Variants in TP73 observed in about 807,000 individuals in gnomAD.
TP73 encodes tumor protein p73.
TP73 carries 25 observed loss-of-function variants against 62.5 expected under a neutral mutation model. The observed-to-expected ratio is 0.40, with a 90% CI of 0.29 to 0.56. TP73 has a LOEUF of 0.56. TP73 is among the 20% of genes least tolerant of loss of function. TP73 has a pLI of 0.46. For synonymous variants in TP73, 423 were observed against 377.5 expected, an observed-to-expected ratio of 1.12 and a Z score of -1.40; for missense variants, 754 against 913.3, an observed-to-expected ratio of 0.83 and a Z score of 2.25.
At chr1:3,702,659 G>A (rs959559794) in intron 3 of TP73, among the ~76,000 whole-genome samples, 34 of 152,328 alleles carry the variant, frequency 2.2e-4, no homozygotes, top group South Asian at 6.2e-4. Context: ...GGCCTGGTGC[G>A]TCCGCGGCCT....
intron 3 of TP73, among the ~76,000 whole-genome samples, chr1:3,684,769 C>CT (rs1333935948): frequency 6.6e-6 from 1 of 151,638 alleles, no homozygotes; most frequent in Non-Finnish European, 1.5e-5. Context: ...CCCACCCCTG[C>CT]TCAGGAGACC....
At chr1:3,688,818 G>A (rs563672849) in intron 3 of TP73, among the ~76,000 whole-genome samples, 1 of 152,322 alleles carries the variant, frequency 6.6e-6, no homozygotes, top group Non-Finnish European at 1.5e-5. Flanking sequence ...CAGGCACGGT[G>A]CCCTGGGCAT....
At chr1:3,719,890 T>TTGTGTGTGTGTGTGTGTGTG (rs5772122) in intron 4 of TP73, among the ~76,000 whole-genome samples, 2 of 132,144 alleles carry the variant, frequency 1.5e-5, no homozygotes, top group African/African-American at 6.0e-5. Flanking sequence ...TTTTTTCTCT[T>TTGTGTGTGTGTGTGTGTGTG]TGTGTGTGTG....
intron 3 of TP73, among the ~76,000 whole-genome samples, chr1:3,693,402 GC>G (rs1455278846): frequency 6.6e-6 from 1 of 152,170 alleles, no homozygotes; most frequent in East Asian, 1.9e-4. Flanking sequence ...CTGGGAAGAG[GC>G]CCCTGGGTTG....
chr1:3,728,992 A>AAGAG (rs3034587), intron 9 of TP73, among the ~76,000 whole-genome samples: 35 of 149,990 alleles, frequency 2.3e-4, no homozygotes, highest in Admixed American at 2.6e-4. Flanking sequence ...TGTCGAAAGA[A>AAGAG]AGAGAGAGAG....
At chr1:3,685,064 G>A (rs1307955041) in intron 3 of TP73, among the ~76,000 whole-genome samples, 1 of 152,164 alleles carries the variant, frequency 6.6e-6, no homozygotes, top group African/African-American at 2.4e-5. Flanking sequence ...GAGGGAGGGA[G>A]GAAGACCCAT....
In TP73 at chr1:3,722,029, G is replaced by A. The variant is rs61747511; in HGVS notation, c.438G>A (p.Pro146=). The change falls in exon 5 of 14, where the codon CCG becomes CCA. Residue 146 remains proline (P), a synonymous_variant. Coordinates refer to ENST00000378295, the MANE Select transcript of TP73 (RefSeq NM_005427.4). The part of the protein sequence containing the change: ...TAKSATWTYS[P]LLKKLYCQIA... Reference sequence around the variant, plus strand: ...CCTCTCCCCCACTCCAGTACTCCCCGCTCTTGAAGAAACTCTACTGCCAGA... The same window carrying A: ...CCTCTCCCCCACTCCAGTACTCCCCACTCTTGAAGAAACTCTACTGCCAGA... The A allele has an allele frequency of 0.02, 31,509 of 1,607,820 alleles. 345 individuals carry two copies. Among genetic ancestry groups the A allele is most frequent in the Non-Finnish European group, 0.023 (27,166 of 1,176,066 alleles).
At chr1:3,726,421 T>G (rs1345439111) in intron 6 of TP73, among the ~76,000 whole-genome samples, 24 of 34,208 alleles carry the variant, frequency 7.0e-4, no homozygotes, top group Non-Finnish European at 9.9e-4. Context: ...ATGGATGGGG[T>G]GGGTGTTGGG....
chr1:3,732,557 G>A (rs1642213809), intron 13 of TP73, among the ~76,000 whole-genome samples, 190 bp from the exon 14 acceptor site: 1 of 152,194 alleles, frequency 6.6e-6, no homozygotes, highest in African/African-American at 2.4e-5. Flanking sequence ...AACACTCCCA[G>A]GTCAGGGCCC....
intron 3 of TP73, chr1:3,690,703 T>A (rs1645793393): frequency 7.0e-7 from 1 of 1,427,394 alleles, no homozygotes; most frequent in Non-Finnish European, 9.2e-7. Context: ...CTAAGGGAGA[T>A]GGGAAAAGCG....
intron 4 of TP73, chr1:3,712,113 A>G (rs6424090): frequency 0.82 from 125,183 of 152,168 alleles, 53,595 homozygotes; most frequent in Non-Finnish European, 0.96. Context: ...TATCAATTGC[A>G]TTATCCTAAA....
At chr1:3,702,260 G>A (rs1433826785) in intron 3 of TP73, among the ~76,000 whole-genome samples, 2 of 152,174 alleles carry the variant, frequency 1.3e-5, no homozygotes, top group Non-Finnish European at 2.9e-5. Flanking sequence ...CAGGGGGCAG[G>A]CGGGACCCTC....
intron 1 of TP73, among the ~76,000 whole-genome samples, chr1:3,669,134 C>T (rs948765768): frequency 3.9e-5 from 6 of 152,360 alleles, no homozygotes; most frequent in Non-Finnish European, 5.9e-5. Context: ...TCCACCTGGC[C>T]CCACCGACCC....
At chr1:3,674,599 A>G (rs1369642362) in intron 1 of TP73, among the ~76,000 whole-genome samples, 1 of 152,318 alleles carries the variant, frequency 6.6e-6, no homozygotes, top group African/African-American at 2.4e-5. Flanking sequence ...GGGAGGCCAC[A>G]TGGTCCTTAG....
At chr1:3,727,319 C>A in intron 7 of TP73, 95 bp downstream of exon 7, 2 of 1,260,860 alleles carry the variant, frequency 1.6e-6, no homozygotes, top group Non-Finnish European at 2.2e-6. Context: ...CAGGCCAAGG[C>A]TAGCTTGGGG....
At chr1:3,732,689 C>G in intron 13 of TP73, 58 bp from the exon 14 acceptor site, 1 of 1,437,770 alleles carries the variant, frequency 7.0e-7, no homozygotes, top group Non-Finnish European at 9.4e-7. Flanking sequence ...CCCAGGGCGA[C>G]CCCCCCTGCT....
rs1176932600 is a variant in TP73 at position 3,732,830 on chromosome 1, C to T, written c.1662C>T (p.Tyr554=). 3 of 1,611,706 alleles carry T rather than the reference C, an allele frequency of 1.9e-6. No individual in the cohort carries two copies. The highest frequency in any genetic ancestry group is 2.2e-5 in the South Asian group (2 of 91,020). ...AGGACCTGAAGCAGGGCCACGACTACAGCACCGCGCAGCAGCTGCTCCGCT... is the reference window on the plus strand; with the variant it reads ...AGGACCTGAAGCAGGGCCACGACTATAGCACCGCGCAGCAGCTGCTCCGCT... ...GLQDLKQGHD[Y]STAQQLLRSS... is the part of the protein sequence containing the mutation. The change falls in exon 14 of 14, where the codon TAC becomes TAT. Residue 554 remains tyrosine, a synonymous_variant. Coordinates refer to ENST00000378295, the MANE Select transcript of TP73 (RefSeq NM_005427.4).
chr1:3,729,002 G>GAGAGAC, intron 9 of TP73, among the ~76,000 whole-genome samples: 1 of 151,974 alleles, frequency 6.6e-6, no homozygotes, highest in South Asian at 2.1e-4. Flanking sequence ...AAGAGAGAGA[G>GAGAGAC]AGAGACAGAG....
At chr1:3,710,588 A>G (rs946604833) in intron 4 of TP73, among the ~76,000 whole-genome samples, 1 of 152,176 alleles carries the variant, frequency 6.6e-6, no homozygotes, top group Non-Finnish European at 1.5e-5. Flanking sequence ...ACAAGTCCAC[A>G]TTGGCTGCCG....
Sources: allele counts gnomAD v4.1 joint callset (sites outside exome capture counted in the v4.1 genomes callset), GRCh38; gene constraint gnomAD v4.1.1; transcripts MANE v1.5; gene names NCBI Gene and HGNC (gene_info 2026-07-23, HGNC 2026-07-21).